PON1: variants seen among roughly 807,000 people sequenced by gnomAD.
The protein encoded by PON1 is serum paraoxonase/arylesterase 1.
In PON1, 37 loss-of-function variants were observed where a neutral mutation model predicts 39.2. The observed-to-expected ratio is 0.94, with a 90% CI of 0.73 to 1.24. The LOEUF is 1.24. Among genes scored for constraint, PON1 ranks in the 50% most tolerant of loss-of-function variants. The probability of loss-of-function intolerance (pLI) is 0.00; values close to 1 mark genes in which losing one functional copy is unlikely to be tolerated. For missense variants in PON1, 397 were observed against 413.5 expected (o/e 0.96, Z 0.35); for synonymous variants, 148 against 152.2 (o/e 0.97, Z 0.21).
rs1807711121 is a variant in PON1, at chr7:95,314,014, T to G, written c.370+1308A>C. Among the ~76,000 whole-genome samples the G allele has an allele frequency of 1.3e-5, 2 of 152,046 alleles. 1 individual carries two copies. Among genetic ancestry groups the G allele is most frequent in the South Asian group, 4.1e-4 (2 of 4,820 alleles). ...ACTGGAACAGCTAGGTGCACTGCAGTATCAGGGAAGAGCAAGTTTTGTGAA... is the reference window on the plus strand; with the variant it reads ...ACTGGAACAGCTAGGTGCACTGCAGGATCAGGGAAGAGCAAGTTTTGTGAA... On this transcript the variant is annotated intron_variant, in intron 4 of 8. Transcript: ENST00000222381.
rs202159046 is a variant in PON1 at position 95,307,074 on chromosome 7, A to T, written c.699-708T>A. Among the ~76,000 whole-genome samples the T allele has an allele frequency of 6.6e-3, 343 of 51,820 alleles. 2 individuals are homozygous for T. Among genetic ancestry groups the T allele is most frequent in the Middle Eastern group, 0.028 (3 of 108 alleles). The allele number at this position is 51,820 out of a possible 152,430, so 34.0% of individuals were successfully genotyped here. A position where few individuals can be genotyped will look rare whatever the true frequency, so the allele number is the denominator to read the frequency against. ...TTCTTTCTTTCTTTTTTTTTTTTTT[A>T]AAAAAAAACAGAGTCTTGCTCTGTC... On this transcript the variant is annotated intron_variant, in intron 6 of 8. Transcript: ENST00000222381.
intron 1 of PON1, among the ~76,000 whole-genome samples, chr7:95,322,348 GTGTATA>G (rs1563602045): frequency 7.8e-6 from 1 of 128,064 alleles, no homozygotes; most frequent in African/African-American, 3.1e-5. Context: ...GTGTGTGTGT[GTGTATA>G]TATATATATA....
intron 8 of PON1, among the ~76,000 whole-genome samples, chr7:95,300,493 G>A (rs538424175): frequency 1.3e-5 from 2 of 152,258 alleles, no homozygotes; most frequent in East Asian, 3.9e-4. Context: ...AAAAACAGCT[G>A]GCACCAAAGA....
chr7:95,324,479 C>T lies in PON1; in HGVS notation c.-4G>A, dbSNP rs758399927. On this transcript the variant is annotated 5_prime_UTR_variant, in exon 1 of 9. Transcript: ENST00000222381. ...TGAGCGCAATCAGCTTCGCCATGGT[C>T]GGGGATAGACAAAGGGATCGATGGG... The T allele has an allele frequency of 1.9e-6, 3 of 1,613,872 alleles. No homozygotes were observed. The highest frequency in any genetic ancestry group is 1.1e-5 in the South Asian group (1 of 90,978).
intron 1 of PON1, among the ~76,000 whole-genome samples, chr7:95,322,961 G>A (rs942531744): frequency 6.6e-6 from 1 of 152,166 alleles, no homozygotes; most frequent in African/African-American, 2.4e-5. Flanking sequence ...AAGAAAAAAG[G>A]ATGCATCTAT....
Position 95,315,320 on chromosome 7 carries a change from AC to A in PON1, c.370+1del. The A allele has an allele frequency of 3.1e-6, 5 of 1,610,858 alleles. No individual in the cohort carries two copies. The highest frequency in any genetic ancestry group is 4.2e-6 in the Non-Finnish European group (5 of 1,177,420). ...GTTTTAATAAATAGTAAATATTGTTACCTTCATCTGTGAATGTGCTAATCCC... is the reference window on the plus strand; with the variant it reads ...GTTTTAATAAATAGTAAATATTGTTACTTCATCTGTGAATGTGCTAATCCC... On this transcript the variant is annotated splice_donor_variant, in intron 4 of 8. Transcript: ENST00000222381. LOFTEE classifies it high-confidence loss of function.
At chr7:95,314,879 G>A (rs978687276) in intron 4 of PON1, among the ~76,000 whole-genome samples, 10 of 152,162 alleles carry the variant, frequency 6.6e-5, no homozygotes, top group Admixed American at 3.9e-4. Flanking sequence ...AGGAACCAGC[G>A]GACAGGAGGC....
intron 4 of PON1, among the ~76,000 whole-genome samples, chr7:95,313,009 A>C (rs954496694): frequency 6.6e-6 from 1 of 152,230 alleles, no homozygotes; most frequent in Non-Finnish European, 1.5e-5. Flanking sequence ...TGAACCAAGG[A>C]GTAACATGAG....
chr7:95,301,281 GAT>G (rs1382319028), intron 8 of PON1, among the ~76,000 whole-genome samples: 3 of 152,218 alleles, frequency 2.0e-5, no homozygotes, highest in Non-Finnish European at 4.4e-5. Flanking sequence ...TAAGGTGGAA[GAT>G]GAGATCTTCT....
chr7:95,314,391 GA>G (rs1334652450), intron 4 of PON1, among the ~76,000 whole-genome samples: 1 of 151,422 alleles, frequency 6.6e-6, no homozygotes, highest in Non-Finnish European at 1.5e-5. Context: ...AAAAGGAGGT[GA>G]AGGAAGGAAG....
At chr7:95,304,470 T>G (rs773143532) in intron 7 of PON1, among the ~76,000 whole-genome samples, 3 of 151,930 alleles carry the variant, frequency 2.0e-5, no homozygotes, top group Non-Finnish European at 4.4e-5. Context: ...GTAGCTGGGA[T>G]TATAGGCATG....
At chr7:95,303,127 A>G (rs529358749) in intron 7 of PON1, among the ~76,000 whole-genome samples, 1 of 152,316 alleles carries the variant, frequency 6.6e-6, no homozygotes, top group East Asian at 1.9e-4. Flanking sequence ...CAGTGCCCAG[A>G]GAACCTGTAA....
chr7:95,313,598 T>C (rs1807700743), intron 4 of PON1, among the ~76,000 whole-genome samples: 1 of 146,740 alleles, frequency 6.8e-6, no homozygotes, highest in African/African-American at 2.6e-5. Context: ...GAAAGTCCAT[T>C]GAAAGGGATA....
chr7:95,319,982 C>T (rs936388260), intron 1 of PON1, among the ~76,000 whole-genome samples: 5 of 152,040 alleles, frequency 3.3e-5, no homozygotes, highest in African/African-American at 1.2e-4. Flanking sequence ...CTTTGTTACC[C>T]ACCATTTGAA....
rs1460468365 is a variant in PON1, at chr7:95,297,921, A to G, written c.*1023T>C. On this transcript the variant is annotated 3_prime_UTR_variant, in exon 9 of 9. Transcript: ENST00000222381. ...AAATAAATGAAAATGTGTAACCTTT[A>G]TATATCAGTTTCTATAACAAAATGA... 1 of 152,250 alleles carries G rather than the reference A, an allele frequency of 6.6e-6. No individual in the cohort carries two copies. Among genetic ancestry groups the G allele is most frequent in the African/African-American group, 2.4e-5 (1 of 41,474 alleles). The allele number at this position is 152,250 out of a possible 1,614,324, so 9.4% of individuals were successfully genotyped here.
intron 8 of PON1, 103 bp from the exon 9 acceptor site, chr7:95,299,205 A>G: frequency 8.2e-7 from 1 of 1,213,800 alleles, no homozygotes; most frequent in Non-Finnish European, 1.2e-6. Context: ...AATCTTATAC[A>G]ATGAGATAAA....
chr7:95,310,759 G>A (rs1175688403), intron 5 of PON1, among the ~76,000 whole-genome samples: 2 of 152,170 alleles, frequency 1.3e-5, no homozygotes, highest in African/African-American at 4.8e-5. Flanking sequence ...AATAGGTTGG[G>A]ATTCTAGAAA....
chr7:95,318,642 C>T (rs1252412695), intron 1 of PON1: 2 of 434,020 alleles, frequency 4.6e-6, no homozygotes, highest in Non-Finnish European at 8.5e-6. Context: ...CTCTCTAGGG[C>T]TCTGTGTACT....
At chr7:95,300,711 A>T (rs987083077) in intron 8 of PON1, among the ~76,000 whole-genome samples, 2 of 152,228 alleles carry the variant, frequency 1.3e-5, no homozygotes, top group Non-Finnish European at 1.5e-5. Context: ...AGAACAACAA[A>T]CCAAGTCCAT....
Sources: gnomAD v4.1 joint callset for allele counts (sites outside exome capture counted in the v4.1 genomes callset) on GRCh38, gnomAD v4.1.1 for gene constraint, MANE v1.5 for transcripts, NCBI Gene and HGNC (gene_info 2026-07-23, HGNC 2026-07-21) for gene names.